LITAF: variants seen among roughly 807,000 people sequenced by gnomAD.
LITAF encodes the protein lipopolysaccharide-induced tumor necrosis factor-alpha factor.
A neutral mutation model predicts 14.5 loss-of-function variants in LITAF; 9 were observed. The observed-to-expected ratio is 0.62, with a 90% CI of 0.37 to 1.08. LITAF has a LOEUF of 1.08. Ranked by LOEUF, LITAF falls within the 50% of genes least tolerant of loss-of-function variation. The pLI, the probability that LITAF is intolerant of heterozygous loss-of-function variation, is 0.01. For synonymous variants in LITAF, 98 were observed against 88.2 expected, an observed-to-expected ratio of 1.11 and a Z score of -0.62; for missense variants, 206 against 213.4, an observed-to-expected ratio of 0.97 and a Z score of 0.22.
chr16:11,598,304 C>G (rs1337300066), intron 1 of LITAF: 1 of 149,168 alleles, frequency 6.7e-6, no homozygotes, highest in Non-Finnish European at 1.5e-5. Context: ...TTTTTTTTGC[C>G]CCAGACAACA....
chr16:11,628,028 A>C (rs994203740), intron 3 of LITAF, among the ~76,000 whole-genome samples: 2 of 151,648 alleles, frequency 1.3e-5, no homozygotes, highest in Non-Finnish European at 2.9e-5. Flanking sequence ...AAAAAAAAAA[A>C]AAAAACAAGG....
rs1004927737 is a variant in LITAF at position 11,558,179 on chromosome 16, A to AG, written c.-5-1445dup. On this transcript the variant is annotated intron_variant, in intron 1 of 3. Coordinates refer to ENST00000622633, the MANE Select transcript of LITAF (RefSeq NM_001136472.2). The surrounding 1 kb of genome is among the most constrained non-coding windows in gnomAD (Gnocchi z 4.1). ...CCAAGGCAGCAATTAATCCCACTGCAGGGAGAAGGGTAGAGTCCTTCTCAG... is the reference window on the plus strand; with the variant it reads ...CCAAGGCAGCAATTAATCCCACTGCAGGGGAGAAGGGTAGAGTCCTTCTCAG... Among the ~76,000 whole-genome samples the AG allele has an allele frequency of 1.3e-5, 2 of 152,188 alleles. No homozygotes were observed. Among genetic ancestry groups the AG allele is most frequent in the Non-Finnish European group, 2.9e-5 (2 of 68,028 alleles).
At chr16:11,621,015 T>A (rs1427673138) in intron 3 of LITAF, among the ~76,000 whole-genome samples, 1 of 151,764 alleles carries the variant, frequency 6.6e-6, no homozygotes, top group Non-Finnish European at 1.5e-5. Context: ...GCCACCTCAG[T>A]CTCCTGAGTA....
At chr16:11,595,762 T>A (rs547991639) in intron 1 of LITAF, among the ~76,000 whole-genome samples, 1 of 152,080 alleles carries the variant, frequency 6.6e-6, no homozygotes, top group Non-Finnish European at 1.5e-5. Flanking sequence ...AAAAAACAGG[T>A]AAAACTATGC....
Position 11,593,359 on chromosome 16 carries a change from A to AG in LITAF, c.-6+5028_-6+5029insC, listed in dbSNP as rs1459811802. Among the ~76,000 whole-genome samples the AG allele has an allele frequency of 2.8e-4, 41 of 148,822 alleles. 1 individual carries two copies. Among genetic ancestry groups the AG allele is most frequent in the African/African-American group, 9.1e-4 (37 of 40,870 alleles). On this transcript the variant is annotated intron_variant, in intron 1 of 3. Coordinates refer to the LITAF transcript ENST00000571627. ...AGACAAGCGAAACTCTGTCTCAAAA[A>AG]AAAAAAAAAAAAAAAAAAAAGTTAA...
rs1248816803 is a variant in LITAF at position 11,553,773 on chromosome 16, G to C, written c.221-84C>G. On this transcript the variant is annotated intron_variant, in intron 2 of 3. Transcript: ENST00000622633. This position sits in a 1 kb window ranked among gnomAD's most constrained non-coding sequence, Gnocchi z 7.7. ...ACTACAGGACAAAGAGAGGAACGCA[G>C]GGATGCCAGCAAATATTATATTTGT... The C allele has an allele frequency of 6.9e-6, 10 of 1,447,286 alleles. No homozygotes were observed. The East Asian group carries it at 1.1e-4, about 17-fold the overall frequency. 89.7% of individuals were successfully genotyped at this position (1,447,286 alleles called of 1,614,324 possible).
At chr16:11,600,036 C>G (rs1424185599), upstream of LITAF, among the ~76,000 whole-genome samples, 1 of 152,144 alleles carries the variant, frequency 6.6e-6, no homozygotes, top group Non-Finnish European at 1.5e-5. This position sits in a 1 kb window ranked among gnomAD's most constrained non-coding sequence, Gnocchi z 4.1. Context: ...CACTCTGTCT[C>G]CCAGGCTGGA....
intron 1 of LITAF, among the ~76,000 whole-genome samples, chr16:11,559,585 G>A (rs192277944): frequency 2.6e-3 from 391 of 152,090 alleles, no homozygotes; most frequent in African/African-American, 8.7e-3. Context: ...AAAAATGAAT[G>A]TAAAATATCT....
chr16:11,576,838 T>C (rs2064644637), intron 1 of LITAF, among the ~76,000 whole-genome samples: 1 of 152,160 alleles, frequency 6.6e-6, no homozygotes, highest in African/African-American at 2.4e-5. Context: ...TATACCTTAT[T>C]TGGGAGTCTT....
chr16:11,614,713 T>C (rs1471519662), intron 3 of LITAF, among the ~76,000 whole-genome samples: 1 of 152,232 alleles, frequency 6.6e-6, no homozygotes, highest in Admixed American at 6.6e-5. Flanking sequence ...TCCTCCCATC[T>C]TGGCCTTCCA....
intron 3 of LITAF, among the ~76,000 whole-genome samples, chr16:11,619,983 T>C (rs1267012537): frequency 2.0e-5 from 3 of 151,514 alleles, no homozygotes; most frequent in Non-Finnish European, 4.4e-5. Context: ...GCCTGGCCAA[T>C]ATGGTGAAAC....
intron 1 of LITAF, among the ~76,000 whole-genome samples, chr16:11,597,635 T>C (rs1043469139): frequency 2.0e-5 from 3 of 152,174 alleles, no homozygotes; most frequent in Non-Finnish European, 2.9e-5. Flanking sequence ...TAGAGCTTTC[T>C]AGATGGCCCA....
In LITAF at chr16:11,568,260, C is replaced by G. The variant is rs1597344297; in HGVS notation, c.-5-11525G>C. 2.6e-5 allele frequency among the ~76,000 whole-genome samples: 4 copies of G among 151,142 alleles called. No homozygotes were observed. In the South Asian group the frequency reaches 8.4e-4, roughly 32 times the overall value. ...CCATGTTTGCACTACTGCACTCCAG[C>G]CTGGGCAACAGAGCAAGACCCTGTC... On this transcript the variant is annotated intron_variant, in intron 1 of 3. Coordinates refer to ENST00000622633, the MANE Select transcript of LITAF (RefSeq NM_001136472.2).
rs1489128393 is a variant in LITAF at position 11,548,486 on chromosome 16, G to A, written c.*1151C>T. 2.2e-6 allele frequency: 1 copy of A among 453,752 alleles called. No individual in the cohort carries two copies. The allele number at this position is 453,752 out of a possible 1,614,324, so 28.1% of individuals were successfully genotyped here. A position where few individuals can be genotyped will look rare whatever the true frequency, so the allele number is the denominator to read the frequency against. ...CTTATCTTTCAAAACCCACCACCAG[G>A]AAACCAAAACGGACCCCACTCTGAG... On this transcript the variant is annotated 3_prime_UTR_variant, in exon 4 of 4. Transcript: ENST00000622633.
chr16:11,551,044 A>G (rs1376872600), intron 3 of LITAF, among the ~76,000 whole-genome samples: 1 of 152,160 alleles, frequency 6.6e-6, no homozygotes, highest in Non-Finnish European at 1.5e-5. Flanking sequence ...CTCTTAACCT[A>G]CATAATCCAC....
At chr16:11,582,250 G>C (rs2064749092) in intron 1 of LITAF, among the ~76,000 whole-genome samples, 1 of 147,958 alleles carries the variant, frequency 6.8e-6, no homozygotes, top group African/African-American at 2.5e-5. Flanking sequence ...AGAGAAAATG[G>C]TCAATGGCTT....
chr16:11,575,415 G>C (rs1457991387), intron 1 of LITAF: 1 of 152,256 alleles, frequency 6.6e-6, no homozygotes. Context: ...CCTGTGTCCC[G>C]TGGGGCAGGT....
chr16:11,555,537 T>C (rs1271356261), intron 2 of LITAF, among the ~76,000 whole-genome samples: 1 of 151,952 alleles, frequency 6.6e-6, no homozygotes, highest in African/African-American at 2.4e-5. Flanking sequence ...TGTATGCCTG[T>C]AGTCTCAGCT....
In LITAF at chr16:11,548,162, C is replaced by T. The variant is rs1272949437; in HGVS notation, c.*1475G>A. The stretch of plus-strand genomic sequence containing the variant: ...CGTTTTCAACCAATATACAGATGTT[C>T]GCTCAAGGTCTAGGTTTTATTTCTA... On this transcript the variant is annotated 3_prime_UTR_variant, in exon 4 of 4. Coordinates refer to ENST00000622633, the MANE Select transcript of LITAF (RefSeq NM_001136472.2). 4.4e-6 allele frequency: 2 copies of T among 453,982 alleles called. No homozygotes were observed. The highest frequency in any genetic ancestry group is 8.8e-6 in the Non-Finnish European group (2 of 226,792). The allele number at this position is 453,982 out of a possible 1,614,324, so 28.1% of individuals were successfully genotyped here.
Sources: allele counts gnomAD v4.1 joint callset (sites outside exome capture counted in the v4.1 genomes callset), GRCh38; gene constraint gnomAD v4.1.1; non-coding constraint Gnocchi (gnomAD v3.1); transcripts MANE v1.5; gene names NCBI Gene and HGNC (gene_info 2026-07-23, HGNC 2026-07-21).